FAM186B: variants seen among roughly 807,000 people sequenced by gnomAD.
FAM186B encodes the protein protein FAM186B.
A neutral mutation model predicts 83.4 loss-of-function variants in FAM186B; 68 were observed. The ratio of observed to expected loss-of-function variants is 0.81; its 90% CI spans 0.67 to 1.00. FAM186B has a LOEUF of 1.00. Ranked by LOEUF, FAM186B falls within the 50% of genes least tolerant of loss-of-function variation. The pLI is 0.00. For synonymous variants in FAM186B, 389 were observed against 422.0 expected (o/e 0.92, Z 0.96); for missense variants, 983 against 1,099.2 (o/e 0.89, Z 1.49).
intron 6 of FAM186B, among the ~76,000 whole-genome samples, chr12:49,588,018 G>A (rs1939488834): frequency 6.6e-6 from 1 of 152,218 alleles, no homozygotes; most frequent in Non-Finnish European, 1.5e-5. Flanking sequence ...CCTGATCTAG[G>A]CCATGCAAGG....
rs760840940 is a variant in FAM186B at position 49,600,817 on chromosome 12, G to A, written c.823C>T (p.Gln275Ter). ...ATGAACTGCTGGAAGTGCAGCCTCT[G>A]GCTGCTGAGCTCTTTGGTCGCCTGC... ...QMQATKELSSQRLHFQQFMEV... is the reference protein window; with the variant it reads ...QMQATKELSS The change falls in exon 4 of 7, where the codon CAG becomes TAG. Residue 275 changes from glutamine (Q) to a stop codon, truncating the protein, a stop_gained. Coordinates refer to ENST00000257894, the MANE Select transcript of FAM186B (RefSeq NM_032130.3). LOFTEE classifies it high-confidence loss of function. The surrounding 1 kb of genome is among the most constrained non-coding windows in gnomAD (Gnocchi z 4.3). The A allele has an allele frequency of 1.2e-5, 20 of 1,612,074 alleles. No individual in the cohort carries two copies. The highest frequency in any genetic ancestry group is 2.2e-5 in the East Asian group (1 of 44,866).
At chr12:49,593,254 G>C (rs937434817) in intron 5 of FAM186B, 1 of 152,128 alleles carries the variant, frequency 6.6e-6, no homozygotes, top group Non-Finnish European at 1.5e-5. Flanking sequence ...AGTGGAAGAA[G>C]GTATACCATG....
chr12:49,595,963 G>T (rs11837121), intron 5 of FAM186B, among the ~76,000 whole-genome samples: 1 of 152,126 alleles, frequency 6.6e-6, no homozygotes, highest in Non-Finnish European at 1.5e-5. Context: ...CAGCCTGGGC[G>T]ACAGAGCGAG....
intron 5 of FAM186B, among the ~76,000 whole-genome samples, chr12:49,592,611 G>A (rs933926306): frequency 5.9e-5 from 9 of 151,886 alleles, no homozygotes; most frequent in South Asian, 2.1e-4. Context: ...TGGCAAAACC[G>A]TGTCTCTACT....
downstream of FAM186B, chr12:49,583,048 C>T: frequency 2.2e-6 from 1 of 456,276 alleles, no homozygotes; most frequent in Non-Finnish European, 4.4e-6. Context: ...TGCAGAAGGT[C>T]AAAGTCCTCC....
intron 3 of FAM186B, among the ~76,000 whole-genome samples, 176 bp downstream of exon 3, chr12:49,603,009 G>T (rs951074432): frequency 2.0e-5 from 3 of 152,176 alleles, no homozygotes; most frequent in African/African-American, 7.2e-5. Flanking sequence ...GCTCAGAGCT[G>T]CTCAGTGCTT....
intron 5 of FAM186B, among the ~76,000 whole-genome samples, chr12:49,588,848 C>T (rs1430975831): frequency 2.0e-5 from 3 of 152,182 alleles, no homozygotes; most frequent in Admixed American, 6.5e-5. Context: ...CTGTTTTCTC[C>T]TTTGTTGTGA....
At chr12:49,595,661 A>G (rs1176195424) in intron 5 of FAM186B, 1 of 427,468 alleles carries the variant, frequency 2.3e-6, no homozygotes, top group Non-Finnish European at 4.7e-6. Context: ...TGGCAGCTCA[A>G]GTGAAGGCTC....
At chr12:49,615,696 G>A in the FAM186B span, among the ~76,000 whole-genome samples, 1 of 152,182 alleles carries the variant, frequency 6.6e-6, no homozygotes, top group Non-Finnish European at 1.5e-5. Flanking sequence ...GGCTGAGGCG[G>A]GAGGCTCACT....
rs188152845 is a variant in FAM186B, at chr12:49,593,517, C to T, written c.2365-4894G>A. 3.5e-3 allele frequency among the ~76,000 whole-genome samples: 534 copies of T among 151,604 alleles called. 5 individuals carry two copies. The highest frequency in any genetic ancestry group is 5.4e-3 in the Non-Finnish European group (364 of 67,946). ...GGTGTGGTGGCAGGCATTTGTAATC[C>T]CAGCTACTCGGGAGGCTGAGGCACA... is the stretch of plus-strand genomic sequence containing the variant. On this transcript the variant is annotated intron_variant, in intron 5 of 6. Transcript: ENST00000257894.
intron 3 of FAM186B, 99 bp downstream of exon 3, chr12:49,603,086 G>T: frequency 7.7e-7 from 1 of 1,303,056 alleles, no homozygotes. Flanking sequence ...CTGTGATGGA[G>T]GAGAATCAGA....
At chr12:49,617,033 G>A in the FAM186B span, among the ~76,000 whole-genome samples, 1 of 152,074 alleles carries the variant, frequency 6.6e-6, no homozygotes, top group Non-Finnish European at 1.5e-5. Flanking sequence ...TTTCCCCTGG[G>A]ACTGGGATGC....
chr12:49,587,167 G>T (rs963595419), downstream of FAM186B, among the ~76,000 whole-genome samples: 5 of 151,916 alleles, frequency 3.3e-5, no homozygotes, highest in Non-Finnish European at 5.9e-5. Flanking sequence ...TTCTTTCTAG[G>T]GACCGTTCTT....
intron 3 of FAM186B, among the ~76,000 whole-genome samples, chr12:49,601,536 A>T (rs1939894225): frequency 6.6e-6 from 1 of 152,094 alleles, no homozygotes; most frequent in South Asian, 2.1e-4. Context: ...CCCAACTAGG[A>T]AGCCTGGTTT....
At chr12:49,599,133 T>G (rs1939802270) in intron 4 of FAM186B, among the ~76,000 whole-genome samples, 186 bp from the exon 5 acceptor site, 1 of 151,828 alleles carries the variant, frequency 6.6e-6, no homozygotes, top group East Asian at 1.9e-4. Context: ...GCCTCAGGGC[T>G]GGGATGAAAC....
At chr12:49,618,633 G>A in the FAM186B span, among the ~76,000 whole-genome samples, 2 of 151,922 alleles carry the variant, frequency 1.3e-5, no homozygotes, top group Non-Finnish European at 2.9e-5. Context: ...AGGACAATTC[G>A]GAGAATAAAA....
chr12:49,612,198 G>A, the FAM186B span, among the ~76,000 whole-genome samples: 7 of 152,034 alleles, frequency 4.6e-5, no homozygotes, highest in Admixed American at 3.3e-4. Flanking sequence ...CTGCAAGTTG[G>A]ATGAAAAAAC....
chr12:49,617,649 C>T, the FAM186B span, among the ~76,000 whole-genome samples: 1 of 152,264 alleles, frequency 6.6e-6, no homozygotes, highest in Admixed American at 6.5e-5. Context: ...TTTTCATGAA[C>T]CCAGAAATTT....
intron 5 of FAM186B, among the ~76,000 whole-genome samples, chr12:49,598,493 G>T (rs932735908): frequency 2.0e-5 from 3 of 152,272 alleles, no homozygotes; most frequent in African/African-American, 7.2e-5. Context: ...CTCTTCCACA[G>T]ATCTTTTTGA....
Sources: gnomAD v4.1 joint callset for allele counts (sites outside exome capture counted in the v4.1 genomes callset) on GRCh38, gnomAD v4.1.1 for gene constraint, Gnocchi (gnomAD v3.1) non-coding constraint, MANE v1.5 for transcripts, NCBI Gene and HGNC (gene_info 2026-07-23, HGNC 2026-07-21) for gene names.